The following SNX24 variants were observed in gnomAD, a reference collection of about 807,000 sequenced individuals.
SNX24 encodes sorting nexin-24.
Under a neutral mutation model 28.7 loss-of-function variants are expected in SNX24, and 22 were observed. That is an observed-to-expected ratio of 0.77 (90% CI 0.55 to 1.10). The LOEUF is 1.10. SNX24 is among the 50% of genes least tolerant of loss of function. The pLI is 0.00. For missense variants in SNX24, 221 were observed against 201.1 expected (o/e 1.10, Z -0.60); for synonymous variants, 69 against 71.5 (o/e 0.96, Z 0.18).
intron 5 of SNX24, among the ~76,000 whole-genome samples, chr5:123,014,530 T>C (rs1762649023): frequency 6.6e-6 from 1 of 152,028 alleles, no homozygotes; most frequent in East Asian, 1.9e-4. Flanking sequence ...CAATAGCTGC[T>C]AATATTTCCA....
At chr5:122,994,890 G>T (rs1290904812) in intron 3 of SNX24, among the ~76,000 whole-genome samples, 2 of 151,914 alleles carry the variant, frequency 1.3e-5, no homozygotes, top group African/African-American at 4.8e-5. Context: ...ACACTCTATT[G>T]CCCAGTTTTA....
At chr5:122,893,998 A>G (rs1757095515) in intron 1 of SNX24, among the ~76,000 whole-genome samples, 1 of 151,716 alleles carries the variant, frequency 6.6e-6, no homozygotes, top group African/African-American at 2.4e-5. Flanking sequence ...AGATTATACC[A>G]TTGCACTCCA....
chr5:122,971,568 A>G (rs968341906), intron 3 of SNX24, among the ~76,000 whole-genome samples: 11 of 152,244 alleles, frequency 7.2e-5, no homozygotes, highest in Non-Finnish European at 1.3e-4. Context: ...GCTATTCTTC[A>G]TGCAATCAGA....
intron 3 of SNX24, among the ~76,000 whole-genome samples, chr5:122,972,363 C>A (rs747721512): frequency 3.3e-5 from 5 of 152,112 alleles, no homozygotes; most frequent in Admixed American, 1.3e-4. Context: ...GATTCCTAGA[C>A]GCGTGAATCC....
intron 3 of SNX24, among the ~76,000 whole-genome samples, chr5:122,976,006 A>T (rs531801728): frequency 6.6e-6 from 1 of 152,280 alleles, no homozygotes; most frequent in South Asian, 2.1e-4. Context: ...TTGCAATATA[A>T]TTATTAACAT....
At chr5:122,939,174 G>A (rs1175007601) in intron 2 of SNX24, among the ~76,000 whole-genome samples, 2 of 152,090 alleles carry the variant, frequency 1.3e-5, no homozygotes, top group East Asian at 1.9e-4. Context: ...TTTGAATCTT[G>A]TGACATGCTT....
chr5:122,912,849 C>G (rs993966700), intron 1 of SNX24, among the ~76,000 whole-genome samples: 2 of 151,052 alleles, frequency 1.3e-5, no homozygotes, highest in Non-Finnish European at 2.9e-5. Flanking sequence ...GAACAAAGGT[C>G]TCTGGTTTTC....
At chr5:122,963,667 C>G (rs778526131) in intron 3 of SNX24, among the ~76,000 whole-genome samples, 4 of 152,134 alleles carry the variant, frequency 2.6e-5, no homozygotes, top group Non-Finnish European at 5.9e-5. Flanking sequence ...GTGATGGAAT[C>G]ATGAGTTTTA....
intron 1 of SNX24, among the ~76,000 whole-genome samples, chr5:122,851,411 C>T (rs772960035): frequency 5.3e-5 from 8 of 152,326 alleles, no homozygotes; most frequent in Middle Eastern, 3.4e-3. Context: ...AAGTGATCCA[C>T]ATGCCTCAGC....
At chr5:122,922,932 T>G (rs541660618) in intron 1 of SNX24, among the ~76,000 whole-genome samples, 4 of 152,328 alleles carry the variant, frequency 2.6e-5, no homozygotes, top group African/African-American at 7.2e-5. Flanking sequence ...TCAAAAATAC[T>G]TGGATAAAGG....
At chr5:122,926,961 G>A (rs1295276869) in intron 1 of SNX24, among the ~76,000 whole-genome samples, 2 of 152,162 alleles carry the variant, frequency 1.3e-5, no homozygotes, top group Non-Finnish European at 2.9e-5. Flanking sequence ...TGTTACTCTC[G>A]TGATCATTTT....
chr5:122,924,409 G>C lies in SNX24; in HGVS notation c.61-12325G>C, dbSNP rs187702780. Among the ~76,000 whole-genome samples the C allele has an allele frequency of 1.1e-4, 16 of 152,306 alleles. No individual in the cohort carries two copies. In the East Asian group the frequency reaches 2.9e-3, roughly 27 times the overall value. ...ACAGCTAGTTAAGTGACTAATGGGT[G>C]GGGGTGCAGACATCGTAAAGCTGCC... On this transcript the variant is annotated intron_variant, in intron 1 of 6. Transcript: ENST00000261369.
intron 1 of SNX24, among the ~76,000 whole-genome samples, chr5:122,894,695 C>G (rs1757124474): frequency 6.6e-6 from 1 of 152,048 alleles, no homozygotes; most frequent in African/African-American, 2.4e-5. Context: ...TATTTTCTGC[C>G]CCTGAAGTGC....
intron 3 of SNX24, among the ~76,000 whole-genome samples, chr5:122,988,010 A>G (rs1161457175): frequency 6.6e-6 from 1 of 152,200 alleles, no homozygotes; most frequent in African/African-American, 2.4e-5. Context: ...CTTTCTTTAA[A>G]TTATTCAGGA....
At chr5:122,989,483 T>C (rs1761739227) in intron 3 of SNX24, among the ~76,000 whole-genome samples, 1 of 149,790 alleles carries the variant, frequency 6.7e-6, no homozygotes. Flanking sequence ...TCTTCTGACA[T>C]TTTGTTGGCT....
chr5:122,861,962 A>T (rs1044838883), intron 1 of SNX24, among the ~76,000 whole-genome samples: 1 of 152,072 alleles, frequency 6.6e-6, no homozygotes, highest in Non-Finnish European at 1.5e-5. Flanking sequence ...GCAAAAATTC[A>T]TTTTTGTGGT....
chr5:123,001,965 C>G lies in SNX24; in HGVS notation c.403C>G (p.Leu135Val), dbSNP rs1762262979. ...SSKLSHQPVLLFLRDPYVLPA... is the reference protein window; with the variant it reads ...SSKLSHQPVLVFLRDPYVLPA... ...CAAACTGTCCCACCAGCCTGTGCTG[C>G]TGTTCCTCAGGGATCCATATGTCTT... The change falls in exon 6 of 7, where the codon CTG (leucine) becomes GTG (valine). Residue 135 changes from leucine to valine, a missense_variant. Leu to Val is a conservative substitution (Grantham distance 32, BLOSUM62 1). Transcript: ENST00000261369. The G allele has an allele frequency of 6.2e-7, 1 of 1,614,042 alleles. No homozygotes were observed. Among genetic ancestry groups the G allele is most frequent in the Admixed American group, 1.7e-5 (1 of 60,010 alleles).
chr5:122,918,360 C>T (rs1758275438), intron 1 of SNX24, among the ~76,000 whole-genome samples: 1 of 152,168 alleles, frequency 6.6e-6, no homozygotes, highest in Non-Finnish European at 1.5e-5. Flanking sequence ...CTCCTATTTG[C>T]CTGTAGTTTG....
chr5:122,853,659 A>T (rs975622253), intron 1 of SNX24: 7 of 369,830 alleles, frequency 1.9e-5, no homozygotes, highest in Admixed American at 2.9e-5. Flanking sequence ...ATTTTAAAAA[A>T]TTTTTTTCGT....
Sources: allele counts gnomAD v4.1 joint callset (sites outside exome capture counted in the v4.1 genomes callset), GRCh38; gene constraint gnomAD v4.1.1; transcripts MANE v1.5; gene names NCBI Gene and HGNC (gene_info 2026-07-23, HGNC 2026-07-21).